The following TLK1 variants were observed in gnomAD, a reference collection of about 807,000 sequenced individuals.
TLK1 encodes serine/threonine-protein kinase tousled-like 1.
Under a neutral mutation model 105.3 loss-of-function variants are expected in TLK1, and 24 were observed. The ratio of observed to expected loss-of-function variants is 0.23; its 90% CI spans 0.17 to 0.32. The LOEUF is 0.32. Among genes scored for constraint, TLK1 ranks in the 10% least tolerant of loss-of-function variants. TLK1 has a pLI of 1.00. For missense variants in TLK1, 558 were observed against 910.5 expected, an observed-to-expected ratio of 0.61 and a Z score of 4.98; for synonymous variants, 321 against 310.4, an observed-to-expected ratio of 1.03 and a Z score of -0.36.
At chr2:171,163,425 A>G (rs1050020450), upstream of TLK1, among the ~76,000 whole-genome samples, 1 of 152,210 alleles carries the variant, frequency 6.6e-6, no homozygotes, top group Non-Finnish European at 1.5e-5. Context: ...TGATAAATGT[A>G]TGCTCTTTCT....
At chr2:171,082,251 T>C (rs1688788490) in intron 3 of TLK1, among the ~76,000 whole-genome samples, 1 of 152,122 alleles carries the variant, frequency 6.6e-6, no homozygotes, top group Non-Finnish European at 1.5e-5. Context: ...CCCAGATATT[T>C]TCTTGGTGGG....
At chr2:171,202,135 A>T (rs755369375) in intron 1 of TLK1, among the ~76,000 whole-genome samples, 2 of 152,234 alleles carry the variant, frequency 1.3e-5, no homozygotes. Context: ...TTTCAGACAA[A>T]TAACAAATAA....
intron 3 of TLK1, among the ~76,000 whole-genome samples, chr2:171,071,699 CA>C (rs1355766901): frequency 1.3e-5 from 2 of 152,142 alleles, no homozygotes; most frequent in African/African-American, 4.8e-5. Flanking sequence ...ATAGTAGTTT[CA>C]CAGTTTGAGG....
chr2:171,080,797 T>A (rs1688717361), intron 3 of TLK1, among the ~76,000 whole-genome samples: 1 of 152,000 alleles, frequency 6.6e-6, no homozygotes, highest in Admixed American at 6.6e-5. Context: ...AGCTTCGACT[T>A]CCTTGGCTCA....
At chr2:171,019,163 A>C (rs116475822) in intron 12 of TLK1, among the ~76,000 whole-genome samples, 1 of 152,208 alleles carries the variant, frequency 6.6e-6, no homozygotes, top group South Asian at 2.1e-4. Context: ...AACTTCACTA[A>C]AAGACTTTGT....
At chr2:171,168,598 A>G (rs1323989655) in intron 1 of TLK1, among the ~76,000 whole-genome samples, 1 of 152,100 alleles carries the variant, frequency 6.6e-6, no homozygotes, top group Non-Finnish European at 1.5e-5. Flanking sequence ...CTGAATCATA[A>G]AAAGAATTCA....
rs1045315009 is a variant in TLK1, at chr2:170,991,396, A to C, written c.*2384T>G. ...AAAAGTAAGTTATTCAATGTGGCTA[A>C]ATTAGCCATCTTGGTTAGCCATCTT... On this transcript the variant is annotated 3_prime_UTR_variant, in exon 21 of 21. Transcript: ENST00000431350. 2.6e-5 allele frequency: 4 copies of C among 152,340 alleles called. No homozygotes were observed. Among genetic ancestry groups the C allele is most frequent in the African/African-American group, 9.6e-5 (4 of 41,586 alleles). The allele number at this position is 152,340 out of a possible 1,614,324, so 9.4% of individuals were successfully genotyped here.
intron 3 of TLK1, chr2:171,066,706 G>C: frequency 1.2e-6 from 1 of 862,990 alleles, no homozygotes; most frequent in Non-Finnish European, 1.7e-6. Flanking sequence ...GATTTTGTCT[G>C]TTATTTTCTT....
At position 171,169,808 on chromosome 2, in the gene TLK1, C is replaced by T. The variant is rs75331625; in HGVS notation, c.-5-51951G>A. ...AACAGGGGCTAGAAGAAAAACAAAA[C>T]GTTTGGTGCCTTCTTTTCCGCAGAT... On this transcript the variant is annotated intron_variant, in intron 1 of 20. Transcript: ENST00000521943. Among the ~76,000 whole-genome samples, 1,043 of 152,232 alleles carry T rather than the reference C, an allele frequency of 6.9e-3. 14 individuals are homozygous for T. Among genetic ancestry groups the T allele is most frequent in the African/African-American group, 0.024 (1,010 of 41,558 alleles).
chr2:171,067,084 C>T, intron 3 of TLK1: 1 of 1,098,684 alleles, frequency 9.1e-7, no homozygotes, highest in Non-Finnish European at 1.3e-6. Flanking sequence ...ACACGAATCC[C>T]TAGGTCTGTA....
At chr2:171,074,697 G>T (rs1023327161) in intron 3 of TLK1, among the ~76,000 whole-genome samples, 1 of 151,642 alleles carries the variant, frequency 6.6e-6, no homozygotes, top group Non-Finnish European at 1.5e-5. Flanking sequence ...AAGATTTCTG[G>T]TAAGAACAAA....
At chr2:171,079,265 TATC>T (rs1688644673) in intron 3 of TLK1, among the ~76,000 whole-genome samples, 1 of 152,236 alleles carries the variant, frequency 6.6e-6, no homozygotes, top group South Asian at 2.1e-4. Flanking sequence ...AAAACTCGAC[TATC>T]ATCTCTTCTT....
At chr2:171,143,413 T>A (rs1691663874) in intron 1 of TLK1, among the ~76,000 whole-genome samples, 1 of 148,594 alleles carries the variant, frequency 6.7e-6, no homozygotes. Context: ...GGCTGAGGCA[T>A]GAGAATTGTT....
chr2:171,106,904 C>T (rs558512494), intron 2 of TLK1, among the ~76,000 whole-genome samples: 1 of 152,248 alleles, frequency 6.6e-6, no homozygotes, highest in African/African-American at 2.4e-5. Flanking sequence ...CAACATATAC[C>T]TGTACTTGAA....
At chr2:171,172,266 G>A (rs76427666) in intron 1 of TLK1, among the ~76,000 whole-genome samples, 5,286 of 152,244 alleles carry the variant, frequency 0.035, 302 homozygotes, top group African/African-American at 0.12. Context: ...GAGAGGATAG[G>A]AGGGAGGCTT....
At chr2:171,060,009 T>G in intron 4 of TLK1, 6 of 1,611,022 alleles carry the variant, frequency 3.7e-6, no homozygotes, top group Non-Finnish European at 3.4e-6. Context: ...AGAGGAGAGG[T>G]CTGCTTTGGA....
intron 11 of TLK1, among the ~76,000 whole-genome samples, chr2:171,039,306 C>T (rs1686535333): frequency 6.6e-6 from 1 of 152,182 alleles, no homozygotes; most frequent in Non-Finnish European, 1.5e-5. Flanking sequence ...CACTCTGTCA[C>T]CCAGGCTGGA....
intron 14 of TLK1, among the ~76,000 whole-genome samples, chr2:171,009,291 CTTTTTTTTTTTTTTTTT>C (rs71008743): frequency 1.3e-5 from 1 of 74,832 alleles, no homozygotes; most frequent in Non-Finnish European, 2.3e-5. Flanking sequence ...ATTTCTTTTC[CTTTTTTTTTTTTTTTTT>C]TTTTTTTTTT....
intron 2 of TLK1, among the ~76,000 whole-genome samples, chr2:171,098,533 T>G (rs536004889): frequency 6.6e-6 from 1 of 152,316 alleles, no homozygotes; most frequent in South Asian, 2.1e-4. Context: ...ATGGTTTCAC[T>G]GGTAAATTCC....
Sources: allele counts gnomAD v4.1 joint callset (sites outside exome capture counted in the v4.1 genomes callset), GRCh38; gene constraint gnomAD v4.1.1; transcripts MANE v1.5; gene names NCBI Gene and HGNC (gene_info 2026-07-23, HGNC 2026-07-21).